Variants in TMX2 observed in about 807,000 individuals in gnomAD.
The protein encoded by TMX2 is thioredoxin related transmembrane protein 2.
In TMX2, 20 loss-of-function variants were observed where a neutral mutation model predicts 33.4. That is an observed-to-expected ratio of 0.60 (90% CI 0.42 to 0.87). The LOEUF (loss-of-function observed/expected upper bound fraction) is 0.87, where lower values mean the gene tolerates loss of function less well. Ranked by LOEUF, TMX2 falls within the 40% of genes least tolerant of loss-of-function variation. The pLI, the probability that TMX2 is intolerant of heterozygous loss-of-function variation, is 0.00. For synonymous variants in TMX2, 166 were observed against 140.7 expected (o/e 1.18, Z -1.27); for missense variants, 340 against 370.7 (o/e 0.92, Z 0.68).
intron 1 of TMX2, among the ~76,000 whole-genome samples, chr11:57,729,999 A>C (rs1948256213): frequency 6.6e-6 from 1 of 150,744 alleles, no homozygotes; most frequent in African/African-American, 2.4e-5. Flanking sequence ...CCCAGCTACT[A>C]AGACTGAGGC....
At chr11:57,722,884 G>T (rs1040197104) in intron 1 of TMX2, among the ~76,000 whole-genome samples, 2 of 152,114 alleles carry the variant, frequency 1.3e-5, no homozygotes, top group African/African-American at 2.4e-5. Context: ...AGGCTGAGAC[G>T]GGTGGATCAC....
intron 1 of TMX2, among the ~76,000 whole-genome samples, chr11:57,723,727 C>T (rs1947788866): frequency 6.6e-6 from 1 of 151,304 alleles, no homozygotes; most frequent in Admixed American, 6.6e-5. Flanking sequence ...TGCTTGAACC[C>T]AGCAGGCGGA....
At chr11:57,715,973 T>C (rs1275923057) in intron 1 of TMX2, among the ~76,000 whole-genome samples, 1 of 152,210 alleles carries the variant, frequency 6.6e-6, no homozygotes, top group African/African-American at 2.4e-5. Context: ...AAGTTTCCCG[T>C]GTCTACTTCT....
At chr11:57,724,930 C>T (rs1406995050) in intron 1 of TMX2, among the ~76,000 whole-genome samples, 6 of 150,766 alleles carry the variant, frequency 4.0e-5, no homozygotes, top group African/African-American at 1.2e-4. Flanking sequence ...CCCAGCTACT[C>T]GGGAGGCTGG....
At chr11:57,716,829 C>A (rs1480166148) in intron 1 of TMX2, among the ~76,000 whole-genome samples, 2 of 146,400 alleles carry the variant, frequency 1.4e-5, no homozygotes, top group African/African-American at 5.2e-5. Flanking sequence ...GGCGGCTGGC[C>A]GGGCGGGGGG....
intron 1 of TMX2, among the ~76,000 whole-genome samples, chr11:57,729,855 C>A (rs1948244995): frequency 6.6e-6 from 1 of 150,922 alleles, no homozygotes; most frequent in East Asian, 1.9e-4. Context: ...CGCCTGTAAT[C>A]CCAGCACTTT....
intron 1 of TMX2, among the ~76,000 whole-genome samples, chr11:57,714,324 T>C (rs1239272786): frequency 6.6e-6 from 1 of 152,250 alleles, no homozygotes; most frequent in South Asian, 2.1e-4. Context: ...GCTAGGCCTC[T>C]GTATATGATG....
Position 57,740,593 on chromosome 11 carries a change from T to C in TMX2, c.*348T>C, listed in dbSNP as rs1233560170. 3 of 199,596 alleles carry C rather than the reference T, an allele frequency of 1.5e-5. No homozygotes were observed. The highest frequency in any genetic ancestry group is 7.1e-5 in the African/African-American group (3 of 42,446). 12.4% of individuals were successfully genotyped at this position (199,596 alleles called of 1,614,324 possible). A position where few individuals can be genotyped will look rare whatever the true frequency, so the allele number is the denominator to read the frequency against. On this transcript the variant is annotated 3_prime_UTR_variant, in exon 8 of 8. Transcript: ENST00000278422. ...CTGTGGTTTCATCATTCCTTCTTAGTTGACCTGCACAGCTTGGTTAGACCT... is the reference window on the plus strand; with the variant it reads ...CTGTGGTTTCATCATTCCTTCTTAGCTGACCTGCACAGCTTGGTTAGACCT...
chr11:57,736,946 A>G (rs1350730223), intron 1 of TMX2, among the ~76,000 whole-genome samples: 4 of 152,192 alleles, frequency 2.6e-5, no homozygotes, highest in Non-Finnish European at 4.4e-5. Context: ...GCTATTATCA[A>G]GAAAACTTAC....
Position 57,721,285 on chromosome 11 carries a change from A to C in TMX2, c.189+8478A>C, listed in dbSNP as rs766264110. On this transcript the variant is annotated intron_variant, in intron 1 of 7. Transcript: ENST00000278422. ...CACCGCACCCCAGCCTAGGTGACAGAGTGAGACTCCATCTCCAATCAATCA... is the reference window on the plus strand; with the variant it reads ...CACCGCACCCCAGCCTAGGTGACAGCGTGAGACTCCATCTCCAATCAATCA... Among the ~76,000 whole-genome samples the C allele has an allele frequency of 1.3e-4, 19 of 151,820 alleles. 2 individuals are homozygous for C. The highest frequency in any genetic ancestry group is 1.2e-3 in the South Asian group (6 of 4,812).
chr11:57,733,447 G>T (rs147223946), intron 1 of TMX2, among the ~76,000 whole-genome samples: 41 of 151,714 alleles, frequency 2.7e-4, no homozygotes, highest in Admixed American at 7.9e-4. Flanking sequence ...TAGTAGAGAC[G>T]GGTTTCACCA....
At chr11:57,718,478 C>G in intron 1 of TMX2, 1 of 934,878 alleles carries the variant, frequency 1.1e-6, no homozygotes, top group African/African-American at 1.6e-5. Flanking sequence ...GAAGGAGATG[C>G]GGCCCAGGGG....
chr11:57,737,813 C>T, intron 2 of TMX2, 100 bp from the exon 3 acceptor site: 7 of 1,608,972 alleles, frequency 4.4e-6, no homozygotes, highest in Non-Finnish European at 4.3e-6. Flanking sequence ...ACTTCTATCC[C>T]CTCCCTGTCT....
At chr11:57,737,141 A>G (rs1331126701) in intron 1 of TMX2, among the ~76,000 whole-genome samples, 2 of 152,168 alleles carry the variant, frequency 1.3e-5, no homozygotes, top group African/African-American at 2.4e-5. Flanking sequence ...GCTTTGTTGA[A>G]AAGCACCGCA....
At position 57,737,902 on chromosome 11, in the gene TMX2, CTG is replaced by C. The variant is rs578235668; in HGVS notation, c.251-7_251-6del. The C allele has an allele frequency of 2.5e-5, 40 of 1,614,188 alleles. No homozygotes were observed. In the African/African-American group the frequency reaches 3.6e-4, roughly 15 times the overall value. The stretch of plus-strand genomic sequence containing the variant: ...CAGCCCAGCCTGACCTGTGACATCT[CTG>C]TGTTTCAGTCACTGTGGAGCAACAT... On this transcript the variant is annotated splice_polypyrimidine_tract_variant and intron_variant, in intron 2 of 7. Transcript: ENST00000278422.
intron 1 of TMX2, among the ~76,000 whole-genome samples, chr11:57,729,674 C>T (rs887516069): frequency 1.3e-5 from 2 of 150,424 alleles, no homozygotes; most frequent in South Asian, 4.2e-4. Flanking sequence ...TTTTAAAAAA[C>T]GGAACAAAAA....
At chr11:57,738,451 C>A in intron 4 of TMX2, 21 bp downstream of exon 4, 1 of 1,573,560 alleles carries the variant, frequency 6.4e-7, no homozygotes, top group Non-Finnish European at 8.7e-7. Flanking sequence ...TTTCCCCTTT[C>A]TGTTTCTTGG....
At chr11:57,717,563 C>G (rs967832932) in intron 1 of TMX2, among the ~76,000 whole-genome samples, 1 of 151,956 alleles carries the variant, frequency 6.6e-6, no homozygotes, top group African/African-American at 2.4e-5. Context: ...ACCAGTCAGG[C>G]GTGGTGGCGC....
chr11:57,724,215 C>T (rs1042439553), intron 1 of TMX2, among the ~76,000 whole-genome samples: 4 of 152,106 alleles, frequency 2.6e-5, no homozygotes, highest in African/African-American at 7.2e-5. Flanking sequence ...ATGATCCAAA[C>T]GCAAAGGGGG....
Sources: gnomAD v4.1 joint callset for allele counts (sites outside exome capture counted in the v4.1 genomes callset) on GRCh38, gnomAD v4.1.1 for gene constraint, MANE v1.5 for transcripts, NCBI Gene and HGNC (gene_info 2026-07-23, HGNC 2026-07-21) for gene names.